FAM135B: variants seen among roughly 807,000 people sequenced by gnomAD.
The protein encoded by FAM135B is protein FAM135B.
In FAM135B, 43 loss-of-function variants were observed where a neutral mutation model predicts 127.7. The observed-to-expected ratio is 0.34, with a 90% CI of 0.26 to 0.43. FAM135B has a LOEUF of 0.43. FAM135B is among the 20% of genes least tolerant of loss of function. FAM135B has a pLI of 1.00. For missense variants in FAM135B, 1,558 were observed against 1,725.6 expected, an observed-to-expected ratio of 0.90 and a Z score of 1.72; for synonymous variants, 670 against 665.1, an observed-to-expected ratio of 1.01 and a Z score of -0.11.
chr8:138,344,914 T>C (rs1429989900), intron 2 of FAM135B, among the ~76,000 whole-genome samples: 2 of 152,168 alleles, frequency 1.3e-5, no homozygotes, highest in African/African-American at 2.4e-5. Flanking sequence ...CTTTACATCA[T>C]AGCATGTATT....
chr8:138,218,308 A>G (rs1262137088), intron 7 of FAM135B, among the ~76,000 whole-genome samples: 1 of 152,236 alleles, frequency 6.6e-6, no homozygotes, highest in African/African-American at 2.4e-5. Flanking sequence ...GAGAGCTACC[A>G]TTTATTCAAT....
At chr8:138,402,871 G>A (rs983163406) in intron 1 of FAM135B, among the ~76,000 whole-genome samples, 1 of 152,186 alleles carries the variant, frequency 6.6e-6, no homozygotes, top group Admixed American at 6.5e-5. Context: ...GGTTTTTGGA[G>A]GTGGAGTTTT....
At chr8:138,276,441 A>G (rs1043515087) in intron 3 of FAM135B, among the ~76,000 whole-genome samples, 4 of 152,142 alleles carry the variant, frequency 2.6e-5, no homozygotes, top group Non-Finnish European at 5.9e-5. Context: ...ACTACAAAAA[A>G]TAGCAGGGAG....
chr8:138,477,013 A>G (rs1337184590), intron 1 of FAM135B, among the ~76,000 whole-genome samples: 1 of 152,204 alleles, frequency 6.6e-6, no homozygotes, highest in Non-Finnish European at 1.5e-5. Flanking sequence ...TGTGAGAGAG[A>G]AATGGTTCCT....
intron 4 of FAM135B, among the ~76,000 whole-genome samples, chr8:138,264,120 A>G (rs1421591655): frequency 6.6e-6 from 1 of 152,016 alleles, no homozygotes; most frequent in East Asian, 1.9e-4. Flanking sequence ...AAACACCCCA[A>G]TGTCATTCCC....
In FAM135B at chr8:138,258,712, A is replaced by T. The variant is rs145742181; in HGVS notation, c.298-1953T>A. On this transcript the variant is annotated intron_variant, in intron 4 of 19. Coordinates refer to ENST00000395297, the MANE Select transcript of FAM135B (RefSeq NM_015912.4). ...TGCTTTAATGAATCTTATTTGCAAG[A>T]TATTCCAGAATGAAGTCACTGCCTT... is the stretch of plus-strand genomic sequence containing the variant. Among the ~76,000 whole-genome samples the T allele has an allele frequency of 8.2e-3, 1,251 of 152,200 alleles. 19 individuals carry two copies. The highest frequency in any genetic ancestry group is 0.029 in the African/African-American group (1,190 of 41,510).
intron 3 of FAM135B, among the ~76,000 whole-genome samples, chr8:138,269,106 G>T (rs1035299765): frequency 1.3e-5 from 2 of 152,118 alleles, no homozygotes; most frequent in African/African-American, 4.8e-5. Context: ...AGAATTTCAG[G>T]CCAGATGGCA....
intron 3 of FAM135B, among the ~76,000 whole-genome samples, chr8:138,288,764 T>G (rs539577550): frequency 2.0e-5 from 3 of 152,194 alleles, no homozygotes; most frequent in African/African-American, 7.2e-5. Context: ...GAAGATAATT[T>G]TCTTTTAAGG....
intron 9 of FAM135B, among the ~76,000 whole-genome samples, chr8:138,188,954 T>C (rs1436613442): frequency 6.6e-6 from 1 of 152,224 alleles, no homozygotes; most frequent in Non-Finnish European, 1.5e-5. Context: ...GGGAAGGTCC[T>C]GGCAAGGGCC....
chr8:138,179,826 C>A (rs1464898489), intron 9 of FAM135B, among the ~76,000 whole-genome samples: 2 of 152,130 alleles, frequency 1.3e-5, no homozygotes, highest in Non-Finnish European at 2.9e-5. Context: ...CTGGCTGGGA[C>A]TACAGGTGCA....
intron 1 of FAM135B, among the ~76,000 whole-genome samples, chr8:138,372,165 G>C (rs1294508509): frequency 2.6e-5 from 4 of 152,220 alleles, no homozygotes; most frequent in East Asian, 1.9e-4. Context: ...AAAGTGAAGA[G>C]AGTAACCACA....
intron 2 of FAM135B, among the ~76,000 whole-genome samples, chr8:138,346,483 A>C (rs1476349397): frequency 2.0e-5 from 3 of 152,256 alleles, no homozygotes; most frequent in African/African-American, 7.2e-5. Flanking sequence ...AATACTATGC[A>C]GCCATAAAAA....
chr8:138,214,063 C>T (rs1284755980), intron 7 of FAM135B, among the ~76,000 whole-genome samples: 2 of 152,140 alleles, frequency 1.3e-5, no homozygotes, highest in African/African-American at 4.8e-5. Flanking sequence ...TGACACCAGT[C>T]TCCCATCCCA....
chr8:138,222,946 A>G (rs907901201), intron 7 of FAM135B, among the ~76,000 whole-genome samples: 3 of 152,164 alleles, frequency 2.0e-5, no homozygotes, highest in Non-Finnish European at 4.4e-5. Flanking sequence ...GGAATGGACA[A>G]GGCTTGGCTG....
intron 12 of FAM135B, among the ~76,000 whole-genome samples, chr8:138,155,622 CA>C (rs980566184): frequency 1.3e-5 from 2 of 150,852 alleles, no homozygotes; most frequent in Non-Finnish European, 3.0e-5. Context: ...AAATGGAAAA[CA>C]AAAAAAAACA....
At chr8:138,236,646 G>A (rs1820298199) in intron 7 of FAM135B, among the ~76,000 whole-genome samples, 1 of 152,146 alleles carries the variant, frequency 6.6e-6, no homozygotes, top group African/African-American at 2.4e-5. Context: ...ATTTGTAAAA[G>A]GAAGTATGAA....
rs1218226924 is a variant in FAM135B, at chr8:138,167,904, G to C, written c.1249C>G (p.Pro417Ala). 2 of 1,610,742 alleles carry C rather than the reference G, an allele frequency of 1.2e-6. No homozygotes were observed. Among genetic ancestry groups the C allele is most frequent in the Admixed American group, 1.7e-5 (1 of 59,634 alleles). ...AACAAAACAGACAAACCTGTCGCAGGGCAGTCCACGTATCTGTCCTCAAAG... is the reference window on the plus strand; with the variant it reads ...AACAAAACAGACAAACCTGTCGCAGCGCAGTCCACGTATCTGTCCTCAAAG... The part of the protein sequence containing the change: ...VIFEDRYVDC[P>A]ATGHNLSVYP... Residue 417 changes from proline to alanine, a missense_variant, in exon 12 of 20, where the codon CCT becomes GCT. Physicochemically the swap from Pro to Ala is conservative, Grantham distance 27. Around this residue, in one of 5 missense-constraint regions of FAM135B, gnomAD observed 115 missense variants for 171.1 expected, o/e 0.67. Coordinates refer to ENST00000395297, the MANE Select transcript of FAM135B (RefSeq NM_015912.4).
At chr8:138,425,631 G>A (rs1395005394) in intron 1 of FAM135B, 2 of 152,074 alleles carry the variant, frequency 1.3e-5, no homozygotes, top group South Asian at 2.1e-4. Flanking sequence ...TAATGGAGAA[G>A]AAAGAGTGTG....
At chr8:138,250,746 G>A (rs544924311) in intron 6 of FAM135B, 95 bp downstream of exon 6, 30 of 1,358,998 alleles carry the variant, frequency 2.2e-5, no homozygotes, top group East Asian at 9.3e-5. Flanking sequence ...ACTCCCTTGC[G>A]TGTGCTGATC....
Sources: allele counts gnomAD v4.1 joint callset (sites outside exome capture counted in the v4.1 genomes callset), GRCh38; gene constraint gnomAD v4.1.1; regional missense constraint gnomAD v4.1.1; transcripts MANE v1.5; gene names NCBI Gene and HGNC (gene_info 2026-07-23, HGNC 2026-07-21).